The following LIN7A variants were observed in gnomAD, a reference collection of about 807,000 sequenced individuals.
LIN7A encodes the protein protein lin-7 homolog A.
Under a neutral mutation model 29.8 loss-of-function variants are expected in LIN7A, and 25 were observed. The observed-to-expected ratio is 0.84, with a 90% CI of 0.61 to 1.17. The LOEUF (loss-of-function observed/expected upper bound fraction) is 1.17, where lower values mean the gene tolerates loss of function less well. Ranked by LOEUF, LIN7A falls within the 50% of genes most tolerant of loss-of-function variation. The pLI, the probability that LIN7A is intolerant of heterozygous loss-of-function variation, is 0.00. For synonymous variants in LIN7A, 118 were observed against 107.5 expected, an observed-to-expected ratio of 1.10 and a Z score of -0.60; for missense variants, 239 against 287.0, an observed-to-expected ratio of 0.83 and a Z score of 1.21.
chr12:80,830,530 G>T (rs898207784), intron 4 of LIN7A, among the ~76,000 whole-genome samples: 1 of 152,050 alleles, frequency 6.6e-6, no homozygotes, highest in African/African-American at 2.4e-5. Context: ...TACATTTGGG[G>T]GTGCTTGCTT....
At chr12:80,900,663 T>C (rs2120729766) in intron 1 of LIN7A, among the ~76,000 whole-genome samples, 1 of 152,330 alleles carries the variant, frequency 6.6e-6, no homozygotes, top group Middle Eastern at 3.4e-3. Flanking sequence ...TGCTGAGGAT[T>C]CTTTTATGGC....
At chr12:80,806,871 C>T (rs887075439) in intron 5 of LIN7A, among the ~76,000 whole-genome samples, 3 of 152,140 alleles carry the variant, frequency 2.0e-5, no homozygotes, top group Non-Finnish European at 4.4e-5. Context: ...CTGAAATGGT[C>T]ACTACAGTTT....
intron 1 of LIN7A, among the ~76,000 whole-genome samples, chr12:80,932,337 A>G (rs1360054695): frequency 6.6e-6 from 1 of 152,236 alleles, no homozygotes; most frequent in Non-Finnish European, 1.5e-5. Context: ...TTTTTAAAGG[A>G]CAAAAGTTTG....
chr12:80,817,792 G>C (rs1270092746), intron 4 of LIN7A, among the ~76,000 whole-genome samples: 2 of 152,072 alleles, frequency 1.3e-5, no homozygotes, highest in Non-Finnish European at 2.9e-5. Flanking sequence ...GTTAGTTGTA[G>C]GTCTGGATTA....
intron 2 of LIN7A, among the ~76,000 whole-genome samples, chr12:80,852,815 C>G (rs1311059619): frequency 2.0e-5 from 3 of 152,194 alleles, no homozygotes; most frequent in Non-Finnish European, 4.4e-5. Flanking sequence ...TCCCCAGTTT[C>G]AATCCCCTTC....
At chr12:80,808,794 C>T (rs1436571439) in intron 5 of LIN7A, among the ~76,000 whole-genome samples, 2 of 151,320 alleles carry the variant, frequency 1.3e-5, no homozygotes, top group African/African-American at 2.4e-5. Context: ...CGTGAGCCAC[C>T]ACGCTTGGCT....
At chr12:80,866,940 T>A (rs1266233805) in intron 2 of LIN7A, among the ~76,000 whole-genome samples, 1 of 152,116 alleles carries the variant, frequency 6.6e-6, no homozygotes, top group Non-Finnish European at 1.5e-5. Flanking sequence ...AAGAGGGCAT[T>A]ACTGGTTCCC....
chr12:80,807,994 C>T (rs975629191), intron 5 of LIN7A, among the ~76,000 whole-genome samples: 3 of 152,170 alleles, frequency 2.0e-5, no homozygotes, highest in Non-Finnish European at 4.4e-5. Context: ...GCTTCCGGTG[C>T]AATAAAATCT....
chr12:80,868,740 C>A (rs1480997171), intron 2 of LIN7A, among the ~76,000 whole-genome samples: 1 of 152,110 alleles, frequency 6.6e-6, no homozygotes. Flanking sequence ...GCCCAGTTGC[C>A]CAGCAGAGCC....
At chr12:80,865,092 G>T (rs1011772780) in intron 2 of LIN7A, among the ~76,000 whole-genome samples, 15 of 152,112 alleles carry the variant, frequency 9.9e-5, no homozygotes, top group African/African-American at 3.4e-4. Context: ...CAGCATTAAA[G>T]AAAAACAACC....
At chr12:80,902,422 C>T (rs765437125) in intron 1 of LIN7A, among the ~76,000 whole-genome samples, 10 of 151,742 alleles carry the variant, frequency 6.6e-5, no homozygotes, top group East Asian at 3.8e-4. Flanking sequence ...TAGTTTGAGA[C>T]GAATAGAAAT....
intron 1 of LIN7A, among the ~76,000 whole-genome samples, chr12:80,927,618 C>A (rs925586503): frequency 6.6e-6 from 1 of 152,128 alleles, no homozygotes; most frequent in Non-Finnish European, 1.5e-5. Context: ...ACTAAGGATA[C>A]CAAACCTCTT....
chr12:80,911,935 A>G (rs907355623), intron 1 of LIN7A, among the ~76,000 whole-genome samples: 7 of 152,202 alleles, frequency 4.6e-5, no homozygotes, highest in African/African-American at 1.7e-4. Context: ...ATCTTTAATA[A>G]TACATACGTT....
At chr12:80,912,293 CT>C (rs778878256) in intron 1 of LIN7A, among the ~76,000 whole-genome samples, 9 of 151,986 alleles carry the variant, frequency 5.9e-5, no homozygotes, top group Non-Finnish European at 1.0e-4. Context: ...TTATGTTCTT[CT>C]CATGTATGGG....
intron 2 of LIN7A, among the ~76,000 whole-genome samples, chr12:80,886,681 T>A (rs1875344565): frequency 6.6e-6 from 1 of 152,138 alleles, no homozygotes; most frequent in African/African-American, 2.4e-5. Flanking sequence ...GTAAGGTAGA[T>A]AAATTACATC....
chr12:80,872,556 A>T (rs918126139), intron 2 of LIN7A, among the ~76,000 whole-genome samples: 1 of 152,206 alleles, frequency 6.6e-6, no homozygotes, highest in Non-Finnish European at 1.5e-5. Context: ...GAGCTATTAT[A>T]GTGTATTCAT....
At chr12:80,910,697 TC>T in intron 1 of LIN7A, among the ~76,000 whole-genome samples, 1 of 152,330 alleles carries the variant, frequency 6.6e-6, no homozygotes, top group East Asian at 1.9e-4. Flanking sequence ...ACCATACTTA[TC>T]TTCTTGGAAT....
chr12:80,869,835 A>C (rs1874339078), intron 2 of LIN7A, among the ~76,000 whole-genome samples: 1 of 152,050 alleles, frequency 6.6e-6, no homozygotes, highest in South Asian at 2.1e-4. Flanking sequence ...TGGCTCAACA[A>C]CTGGGTAACT....
At chr12:80,816,466 G>A (rs1369809250) in intron 4 of LIN7A, among the ~76,000 whole-genome samples, 1 of 146,630 alleles carries the variant, frequency 6.8e-6, no homozygotes, top group African/African-American at 2.5e-5. Context: ...ATATACATTA[G>A]TTATTATATA....
Sources: allele counts gnomAD v4.1 joint callset (sites outside exome capture counted in the v4.1 genomes callset), GRCh38; gene constraint gnomAD v4.1.1; transcripts MANE v1.5; gene names NCBI Gene and HGNC (gene_info 2026-07-23, HGNC 2026-07-21).